PDE8B: variants seen among roughly 807,000 people sequenced by gnomAD.
The protein encoded by PDE8B is high affinity cAMP-specific and IBMX-insensitive 3',5'-cyclic phosphodiesterase 8B.
Under a neutral mutation model 101.3 loss-of-function variants are expected in PDE8B, and 26 were observed. The ratio of observed to expected loss-of-function variants is 0.26; its 90% CI spans 0.19 to 0.36. PDE8B has a LOEUF of 0.36. PDE8B is among the 10% of genes least tolerant of loss of function. The pLI is 1.00. For missense variants in PDE8B, 810 were observed against 1,163.1 expected (o/e 0.70, Z 4.42); for synonymous variants, 424 against 429.3 (o/e 0.99, Z 0.15).
chr5:77,411,642 A>G lies in PDE8B; in HGVS notation c.1531-34A>G, dbSNP rs772473326. The stretch of plus-strand genomic sequence containing the variant: ...AAAAAGAGAATGATAATAGATATAA[A>G]GCATGCTTCTAACAGGCTCTTCCTT... On this transcript the variant is annotated intron_variant, in intron 14 of 21. Coordinates refer to ENST00000264917, the MANE Select transcript of PDE8B (RefSeq NM_003719.5). 4 of 1,562,854 alleles carry G rather than the reference A, an allele frequency of 2.6e-6. No individual in the cohort carries two copies. In the South Asian group the frequency reaches 4.4e-5, roughly 17 times the overall value.
intron 7 of PDE8B, 101 bp from the exon 8 acceptor site, chr5:77,349,318 A>T: frequency 6.7e-7 from 1 of 1,493,062 alleles, no homozygotes; most frequent in Non-Finnish European, 9.3e-7. Flanking sequence ...CTTGCTTGAT[A>T]TTCCTCTGGG....
At chr5:77,216,394 G>T (rs554097595) in intron 1 of PDE8B, among the ~76,000 whole-genome samples, 12 of 152,292 alleles carry the variant, frequency 7.9e-5, no homozygotes, top group East Asian at 1.9e-4. Context: ...CGAAAGGCAT[G>T]TCTTACATGG....
At chr5:77,360,088 C>T (rs1041444233) in intron 10 of PDE8B, among the ~76,000 whole-genome samples, 1 of 140,320 alleles carries the variant, frequency 7.1e-6, no homozygotes, top group Non-Finnish European at 1.5e-5. Context: ...GAGACTTCAT[C>T]GCAAAAAAAA....
chr5:77,230,839 G>A (rs1351143396), intron 1 of PDE8B, among the ~76,000 whole-genome samples: 1 of 152,204 alleles, frequency 6.6e-6, no homozygotes, highest in Admixed American at 6.5e-5. Context: ...GAAGAAATTG[G>A]TGGGACCTGG....
chr5:77,183,860 G>A, the PDE8B span, among the ~76,000 whole-genome samples: 3 of 152,008 alleles, frequency 2.0e-5, no homozygotes, highest in African/African-American at 7.3e-5. Flanking sequence ...TCACACAGTG[G>A]ATCCATTTAT....
At chr5:77,153,422 A>C in the PDE8B span, among the ~76,000 whole-genome samples, 1 of 152,102 alleles carries the variant, frequency 6.6e-6, no homozygotes, top group Non-Finnish European at 1.5e-5. Flanking sequence ...TCTTTTACTT[A>C]ATTTGTTATA....
intron 13 of PDE8B, among the ~76,000 whole-genome samples, chr5:77,408,656 GGAGGTGAATCTGC>G (rs1156592378): frequency 6.6e-6 from 1 of 152,152 alleles, no homozygotes; most frequent in African/African-American, 2.4e-5. Flanking sequence ...GAGGGCCAGG[GGAGGTGAATCTGC>G]AAGGGAGCCT....
intron 20 of PDE8B, 60 bp downstream of exon 20, chr5:77,422,048 A>T: frequency 6.6e-7 from 1 of 1,525,298 alleles, no homozygotes; most frequent in Non-Finnish European, 9.0e-7. Flanking sequence ...TAGGTCATGG[A>T]ACTCCTGGGG....
At chr5:77,248,995 C>G (rs770451399) in intron 1 of PDE8B, among the ~76,000 whole-genome samples, 1 of 152,194 alleles carries the variant, frequency 6.6e-6, no homozygotes, top group Non-Finnish European at 1.5e-5. Context: ...CTTGGACTTG[C>G]TAGCCTTTGG....
chr5:77,138,209 C>G, the PDE8B span, among the ~76,000 whole-genome samples: 1 of 151,754 alleles, frequency 6.6e-6, no homozygotes, highest in African/African-American at 2.4e-5. Flanking sequence ...ATTTGGAGTC[C>G]GGGGGGTGGC....
chr5:77,389,807 C>T (rs1319533430), intron 10 of PDE8B, among the ~76,000 whole-genome samples: 1 of 152,022 alleles, frequency 6.6e-6, no homozygotes, highest in Admixed American at 6.6e-5. Flanking sequence ...ACTGAATATT[C>T]CTTTGCATCA....
chr5:77,426,291 C>T, intron 21 of PDE8B, 154 bp from the exon 22 acceptor site: 1 of 674,214 alleles, frequency 1.5e-6, no homozygotes, highest in Non-Finnish European at 2.7e-6. Context: ...GTTTGCATTT[C>T]AGAAACTAGT....
At chr5:77,393,036 G>A (rs1409082089) in intron 10 of PDE8B, among the ~76,000 whole-genome samples, 1 of 152,186 alleles carries the variant, frequency 6.6e-6, no homozygotes, top group East Asian at 1.9e-4. Flanking sequence ...CTTCTTTAGA[G>A]ACTTGTAGCC....
At chr5:77,270,785 C>A (rs1762618955) in intron 1 of PDE8B, among the ~76,000 whole-genome samples, 1 of 152,214 alleles carries the variant, frequency 6.6e-6, no homozygotes, top group Non-Finnish European at 1.5e-5. Context: ...GAAGAAGCAG[C>A]AGGGCTGGGA....
intron 10 of PDE8B, among the ~76,000 whole-genome samples, chr5:77,369,181 C>T (rs753973855): frequency 2.5e-5 from 3 of 119,396 alleles, no homozygotes; most frequent in South Asian, 2.8e-4. Flanking sequence ...CCAGCCTATG[C>T]GACAGAGCGA....
chr5:77,264,247 G>T (rs969427207), intron 1 of PDE8B, among the ~76,000 whole-genome samples: 8 of 152,172 alleles, frequency 5.3e-5, no homozygotes, highest in African/African-American at 1.2e-4. Context: ...TACAACTTAT[G>T]TGGACAGATG....
At chr5:77,226,691 T>C (rs941253741) in intron 1 of PDE8B, among the ~76,000 whole-genome samples, 7 of 152,210 alleles carry the variant, frequency 4.6e-5, no homozygotes, top group African/African-American at 1.7e-4. Context: ...GACTCTTTAG[T>C]TGTTTAGTAA....
intron 2 of PDE8B, among the ~76,000 whole-genome samples, chr5:77,323,711 C>G (rs1197119437): frequency 1.3e-5 from 2 of 152,154 alleles, no homozygotes; most frequent in African/African-American, 4.8e-5. Flanking sequence ...GTGATCCCAG[C>G]ACTTTGGGAG....
In PDE8B at chr5:77,427,263, TGAG is replaced by T. The variant is rs1306240715; in HGVS notation, c.*711_*713del. ...TTCATCTTAACAAAGTCATCCATGA[TGAG>T]GGAAAAAGTGGCATTTCATTTTTGG... On this transcript the variant is annotated 3_prime_UTR_variant, in exon 22 of 22. Coordinates refer to ENST00000264917, the MANE Select transcript of PDE8B (RefSeq NM_003719.5). 1 of 152,522 alleles carries T rather than the reference TGAG, an allele frequency of 6.6e-6. No homozygotes were observed. The highest frequency in any genetic ancestry group is 2.4e-5 in the African/African-American group (1 of 41,386). 9.4% of individuals were successfully genotyped at this position (152,522 alleles called of 1,614,324 possible).
Sources: gnomAD v4.1 joint callset for allele counts (sites outside exome capture counted in the v4.1 genomes callset) on GRCh38, gnomAD v4.1.1 for gene constraint, MANE v1.5 for transcripts, NCBI Gene and HGNC (gene_info 2026-07-23, HGNC 2026-07-21) for gene names.